Variants in SLC9B1 observed in about 807,000 individuals in gnomAD.
SLC9B1 encodes the protein sodium/hydrogen exchanger 9B1.
A neutral mutation model predicts 51.7 loss-of-function variants in SLC9B1; 32 were observed. The ratio of observed to expected loss-of-function variants is 0.62; its 90% CI spans 0.47 to 0.83. The LOEUF is 0.83. Ranked by LOEUF, SLC9B1 falls within the 40% of genes least tolerant of loss-of-function variation. The pLI is 0.00. For synonymous variants in SLC9B1, 145 were observed against 212.7 expected (o/e 0.68, Z 2.77); for missense variants, 406 against 613.2 (o/e 0.66, Z 3.57).
chr4:103,017,950 G>A (rs569090596), intron 1 of SLC9B1, among the ~76,000 whole-genome samples: 1 of 152,288 alleles, frequency 6.6e-6, no homozygotes, highest in South Asian at 2.1e-4. Context: ...ACACTGGTGA[G>A]TTTACTACTG....
chr4:102,896,790 A>T, downstream of SLC9B1: 1 of 152,492 alleles, frequency 6.6e-6, no homozygotes. Context: ...CATTGTACAT[A>T]TTGAGACACA....
At chr4:102,914,603 T>G (rs72935589) in intron 7 of SLC9B1, among the ~76,000 whole-genome samples, 1,650 of 152,236 alleles carry the variant, frequency 0.011, 20 homozygotes, top group African/African-American at 0.037. Context: ...ATTTCTTCAG[T>G]TGTAATTTTT....
chr4:102,898,949 G>C (rs1734663273), downstream of SLC9B1, among the ~76,000 whole-genome samples: 1 of 151,840 alleles, frequency 6.6e-6, no homozygotes, highest in Non-Finnish European at 1.5e-5. Flanking sequence ...CACCATGTTA[G>C]CCAGGATGGT....
At chr4:103,014,254 C>T (rs1009003245) in intron 1 of SLC9B1, among the ~76,000 whole-genome samples, 2 of 152,194 alleles carry the variant, frequency 1.3e-5, no homozygotes, top group Admixed American at 6.5e-5. Context: ...CCAACACCAA[C>T]ACTCTTGCTT....
chr4:102,983,598 C>G (rs12508069), intron 3 of SLC9B1, among the ~76,000 whole-genome samples: 89,161 of 152,016 alleles, frequency 0.59, 27,743 homozygotes, highest in African/African-American at 0.81. Context: ...ACTTCCTCTT[C>G]TGAGTTTTGG....
intron 3 of SLC9B1, among the ~76,000 whole-genome samples, chr4:102,984,432 C>T (rs534303388): frequency 2.0e-5 from 3 of 152,208 alleles, no homozygotes; most frequent in Admixed American, 6.5e-5. Context: ...AGTATTTTTA[C>T]CTTTCTCTTG....
At chr4:103,019,424 G>A (rs996646678) in intron 1 of SLC9B1, among the ~76,000 whole-genome samples, 175 bp downstream of exon 1, 2 of 152,214 alleles carry the variant, frequency 1.3e-5, no homozygotes, top group Non-Finnish European at 2.9e-5. Context: ...TCACGGAGAG[G>A]AGAGACAATG....
chr4:103,016,356 T>G (rs1037265048), intron 1 of SLC9B1, among the ~76,000 whole-genome samples: 15 of 152,066 alleles, frequency 9.9e-5, no homozygotes, highest in African/African-American at 3.6e-4. Context: ...AGAACCCTTC[T>G]TTGACCATAC....
At chr4:102,921,903 T>G (rs1011898292) in intron 7 of SLC9B1, among the ~76,000 whole-genome samples, 2 of 152,260 alleles carry the variant, frequency 1.3e-5, no homozygotes, top group Non-Finnish European at 2.9e-5. Flanking sequence ...GCACCCAGAT[T>G]CATAAAGCAG....
intron 11 of SLC9B1, among the ~76,000 whole-genome samples, chr4:102,893,111 C>T (rs1187465898): frequency 3.3e-5 from 5 of 151,328 alleles, no homozygotes; most frequent in Admixed American, 2.0e-4. Context: ...CGTGAAAACT[C>T]GTCTCTACAA....
intron 5 of SLC9B1, 105 bp downstream of exon 5, chr4:102,946,542 A>T: frequency 7.9e-7 from 1 of 1,273,582 alleles, no homozygotes; most frequent in Non-Finnish European, 1.1e-6. Flanking sequence ...AGGTTTGTTT[A>T]CAGACTCTAT....
intron 6 of SLC9B1, among the ~76,000 whole-genome samples, chr4:102,937,678 A>G (rs1452463379): frequency 7.3e-6 from 1 of 137,730 alleles, no homozygotes; most frequent in Admixed American, 7.6e-5. Context: ...GAGCTGAGAT[A>G]GCACCACTGC....
At chr4:102,969,436 A>G (rs1738624615) in intron 3 of SLC9B1, among the ~76,000 whole-genome samples, 1 of 152,232 alleles carries the variant, frequency 6.6e-6, no homozygotes, top group Non-Finnish European at 1.5e-5. Flanking sequence ...AACAGAAAGG[A>G]ACAGCATCAA....
At chr4:102,955,893 GAA>G (rs746865997) in intron 3 of SLC9B1, among the ~76,000 whole-genome samples, 2,338 of 128,134 alleles carry the variant, frequency 0.018, 29 homozygotes, top group East Asian at 0.045. Flanking sequence ...AAGAAAGAAA[GAA>G]AGAAAGAGAG....
At chr4:102,975,235 T>C (rs1024078137) in intron 3 of SLC9B1, among the ~76,000 whole-genome samples, 7 of 152,126 alleles carry the variant, frequency 4.6e-5, no homozygotes, top group Non-Finnish European at 7.3e-5. Flanking sequence ...CCTCAAACTC[T>C]TGGCTTCAAA....
At chr4:102,992,161 C>A (rs1201504434) in intron 1 of SLC9B1, among the ~76,000 whole-genome samples, 2 of 152,112 alleles carry the variant, frequency 1.3e-5, no homozygotes, top group Non-Finnish European at 2.9e-5. Flanking sequence ...CTGATACATA[C>A]TATCTTTTTA....
chr4:102,954,076 T>C (rs1182327205), intron 3 of SLC9B1, among the ~76,000 whole-genome samples: 1 of 43,866 alleles, frequency 2.3e-5, no homozygotes, highest in Non-Finnish European at 3.8e-5. Context: ...GCTTCCAGTT[T>C]TTGCCCATTC....
At position 102,973,149 on chromosome 4, in the gene SLC9B1, T is replaced by A. The variant is rs75128946; in HGVS notation, c.211+16651A>T. On this transcript the variant is annotated intron_variant, in intron 3 of 11. Transcript: ENST00000296422. ...AATAAACTTAAATGGTCTAAATTAG[T>A]TAAAGACAGACACTTGAAGACTGGA... Among the ~76,000 whole-genome samples the A allele has an allele frequency of 2.7e-4, 41 of 152,190 alleles. 1 individual carries two copies. In the East Asian group the frequency reaches 7.9e-3, roughly 29 times the overall value.
chr4:102,955,778 A>G (rs1350542991), intron 3 of SLC9B1, among the ~76,000 whole-genome samples: 1 of 151,742 alleles, frequency 6.6e-6, no homozygotes, highest in African/African-American at 2.4e-5. Context: ...AACTCAAAGT[A>G]AAATTAAAAA....
Sources: gnomAD v4.1 joint callset for allele counts (sites outside exome capture counted in the v4.1 genomes callset) on GRCh38, gnomAD v4.1.1 for gene constraint, MANE v1.5 for transcripts, NCBI Gene and HGNC (gene_info 2026-07-23, HGNC 2026-07-21) for gene names.